COBL: variants seen among roughly 807,000 people sequenced by gnomAD.
The protein encoded by COBL is protein cordon-bleu.
In COBL, 51 loss-of-function variants were observed where a neutral mutation model predicts 98.8. The observed-to-expected ratio is 0.52, with a 90% CI of 0.41 to 0.65. The LOEUF is 0.65. Among genes scored for constraint, COBL ranks in the 30% least tolerant of loss-of-function variants. The probability of loss-of-function intolerance (pLI) is 0.00; values close to 1 mark genes in which losing one functional copy is unlikely to be tolerated. For synonymous variants in COBL, 634 were observed against 651.7 expected (o/e 0.97, Z 0.41); for missense variants, 1,617 against 1,617.5 (o/e 1.00, Z 0.01).
chr7:51,185,780 A>G (rs10488354), intron 4 of COBL, among the ~76,000 whole-genome samples: 10,374 of 152,324 alleles, frequency 0.068, 394 homozygotes, highest in Middle Eastern at 0.14. Context: ...ACCTGCTAAT[A>G]TATGATTTCA....
chr7:51,070,392 AACACACACACACAC>A (rs369051694), intron 7 of COBL, among the ~76,000 whole-genome samples: 3 of 138,930 alleles, frequency 2.2e-5, no homozygotes, highest in East Asian at 2.1e-4. Flanking sequence ...AAACAGTTAA[AACACACACACACAC>A]ACACACACAC....
At chr7:51,116,959 G>A (rs1474037287) in intron 6 of COBL, among the ~76,000 whole-genome samples, 1 of 151,894 alleles carries the variant, frequency 6.6e-6, no homozygotes, top group East Asian at 1.9e-4. Context: ...AATACTTTAA[G>A]TTCTAGGGTA....
intron 7 of COBL, among the ~76,000 whole-genome samples, chr7:51,076,942 T>C (rs954367228): frequency 6.6e-6 from 1 of 152,230 alleles, no homozygotes; most frequent in African/African-American, 2.4e-5. Context: ...ATCTCCAAGG[T>C]CTGCTAATTA....
chr7:51,196,919 CTTCT>C (rs1473351264), intron 2 of COBL, among the ~76,000 whole-genome samples: 9 of 151,500 alleles, frequency 5.9e-5, no homozygotes, highest in African/African-American at 1.5e-4. Context: ...CCTCTCTTTT[CTTCT>C]TTATTAGCCT....
intron 1 of COBL, among the ~76,000 whole-genome samples, chr7:51,275,249 C>T (rs1296710893): frequency 1.3e-5 from 2 of 152,176 alleles, no homozygotes; most frequent in Non-Finnish European, 2.9e-5. Flanking sequence ...AGGCTGCCCT[C>T]CTGCAAAGGA....
At chr7:51,315,571 C>T (rs2329726) in intron 1 of COBL, among the ~76,000 whole-genome samples, 1 of 152,198 alleles carries the variant, frequency 6.6e-6, no homozygotes, top group East Asian at 1.9e-4. Context: ...GGGCTCACCC[C>T]AACCCTCATT....
intron 7 of COBL, among the ~76,000 whole-genome samples, chr7:51,053,623 GAGA>G (rs149152074): frequency 0.015 from 2,270 of 152,350 alleles, 31 homozygotes; most frequent in Non-Finnish European, 0.026. Flanking sequence ...CTATAACTCA[GAGA>G]AGATGTCCGG....
At chr7:51,160,360 G>A (rs1379888493) in intron 5 of COBL, among the ~76,000 whole-genome samples, 5 of 152,170 alleles carry the variant, frequency 3.3e-5, no homozygotes, top group African/African-American at 9.7e-5. Context: ...ATTTGTTGTT[G>A]ATGACACAGT....
intron 8 of COBL, chr7:51,035,445 C>G (rs1355206204): frequency 2.6e-5 from 4 of 151,886 alleles, no homozygotes; most frequent in African/African-American, 9.7e-5. Context: ...AAACCAACTC[C>G]TGTGATTTCA....
chr7:51,031,767 G>A (rs760907144), intron 8 of COBL: 6 of 152,338 alleles, frequency 3.9e-5, no homozygotes, highest in African/African-American at 7.2e-5. Context: ...AATGCCACTT[G>A]CAGGGGCAGG....
chr7:51,062,511 C>T (rs920880029), intron 7 of COBL, among the ~76,000 whole-genome samples: 3 of 152,178 alleles, frequency 2.0e-5, no homozygotes, highest in Admixed American at 6.5e-5. Flanking sequence ...CTGCTGGTTT[C>T]TCTGAAGTGG....
chr7:51,286,503 A>G (rs1800385162), intron 1 of COBL, among the ~76,000 whole-genome samples: 1 of 152,198 alleles, frequency 6.6e-6, no homozygotes, highest in South Asian at 2.1e-4. Context: ...GAAACATATG[A>G]AAAAACTGTT....
rs1793037516 is a variant in COBL at position 51,076,001 on chromosome 7, C to G, written c.1096+9165G>C. Among the ~76,000 whole-genome samples, 3 of 152,280 alleles carry G rather than the reference C, an allele frequency of 2.0e-5. No individual in the cohort carries two copies. The South Asian group carries it at 6.2e-4, about 32-fold the overall frequency. ...ATGAAAAGGCCCATTTGCTCACGAC[C>G]CACTTCCTGTTTTCCTGGATGCCAT... On this transcript the variant is annotated intron_variant, in intron 7 of 12. Coordinates refer to ENST00000265136, the MANE Select transcript of COBL (RefSeq NM_015198.5).
intron 7 of COBL, chr7:51,071,712 T>C (rs1792571995): frequency 1.3e-5 from 2 of 152,212 alleles, no homozygotes; most frequent in African/African-American, 4.8e-5. Flanking sequence ...CCATCTTTCT[T>C]CAGCATAATA....
chr7:51,273,328 A>AG (rs2129167041), intron 1 of COBL, among the ~76,000 whole-genome samples: 1 of 123,096 alleles, frequency 8.1e-6, no homozygotes, highest in African/African-American at 4.4e-5. Context: ...ACTCCATCTC[A>AG]AAAAAAAAAA....
At position 51,203,258 on chromosome 7, in the gene COBL, C is replaced by T. The variant is rs1232220253; in HGVS notation, c.246-9669G>A. On this transcript the variant is annotated intron_variant, in intron 2 of 12. Coordinates refer to ENST00000265136, the MANE Select transcript of COBL (RefSeq NM_015198.5). Reference sequence around the variant, plus strand: ...CGGGCGGATCACGAGGTCAGGAGATCGAGACCATCCTGGCTAACACGGTGA... The same window carrying T: ...CGGGCGGATCACGAGGTCAGGAGATTGAGACCATCCTGGCTAACACGGTGA... Among the ~76,000 whole-genome samples the T allele has an allele frequency of 2.6e-5, 3 of 115,804 alleles. 1 individual carries two copies. Among genetic ancestry groups the T allele is most frequent in the African/African-American group, 1.3e-4 (3 of 23,140 alleles). 76.0% of individuals were successfully genotyped at this position (115,804 alleles called of 152,430 possible).
chr7:51,181,682 T>C (rs946171350), intron 5 of COBL, among the ~76,000 whole-genome samples: 5 of 152,240 alleles, frequency 3.3e-5, no homozygotes, highest in African/African-American at 1.2e-4. Context: ...TCAGTTTCTT[T>C]CTTTAGGTTG....
chr7:51,276,807 C>T (rs886617003), intron 1 of COBL, among the ~76,000 whole-genome samples: 6 of 152,278 alleles, frequency 3.9e-5, no homozygotes, highest in African/African-American at 4.8e-5. Flanking sequence ...GAAAGCTGGA[C>T]GCTGGTGTTG....
intron 6 of COBL, among the ~76,000 whole-genome samples, chr7:51,132,656 T>C (rs1406877591): frequency 6.6e-6 from 1 of 152,192 alleles, no homozygotes; most frequent in Non-Finnish European, 1.5e-5. Flanking sequence ...CACCTGAGAC[T>C]GGGTAATTTA....
Sources: gnomAD v4.1 joint callset for allele counts (sites outside exome capture counted in the v4.1 genomes callset) on GRCh38, gnomAD v4.1.1 for gene constraint, MANE v1.5 for transcripts, NCBI Gene and HGNC (gene_info 2026-07-23, HGNC 2026-07-21) for gene names.